Variants in COMT observed in about 807,000 individuals in gnomAD.
COMT encodes catechol-O-methyltransferase, also known as catechol O-methyltransferase.
A neutral mutation model predicts 18.9 loss-of-function variants in COMT; 13 were observed. The observed-to-expected ratio is 0.69, with a 90% CI of 0.45 to 1.09. The LOEUF (loss-of-function observed/expected upper bound fraction) is 1.09. Among genes scored for constraint, COMT ranks in the 50% least tolerant of loss-of-function variants. The pLI is 0.00. For synonymous variants in COMT, 150 were observed against 160.9 expected, an observed-to-expected ratio of 0.93 and a Z score of 0.51; for missense variants, 329 against 361.8, an observed-to-expected ratio of 0.91 and a Z score of 0.73.
intron 1 of COMT, among the ~76,000 whole-genome samples, chr22:19,958,170 T>G (rs1338647370): frequency 1.4e-5 from 2 of 147,082 alleles, no homozygotes; most frequent in African/African-American, 4.9e-5. Flanking sequence ...TGTTTAATTT[T>G]TTTTTTTTTT....
At chr22:19,963,466 G>T in intron 3 of COMT, 100 bp from the exon 4 acceptor site, 1 of 1,393,734 alleles carries the variant, frequency 7.2e-7, no homozygotes, top group Non-Finnish European at 9.9e-7. Flanking sequence ...ATTTGGGAGG[G>T]GCTCCTGCTC....
chr22:19,947,336 A>G (rs1305194292), intron 1 of COMT, among the ~76,000 whole-genome samples: 1 of 152,224 alleles, frequency 6.6e-6, no homozygotes, highest in Non-Finnish European at 1.5e-5. Flanking sequence ...TAAAGACACA[A>G]GACAAAGAGA....
chr22:19,965,678 T>TTTTCTGGAAAGTC (rs1942353698), intron 5 of COMT: 2 of 152,248 alleles, frequency 1.3e-5, no homozygotes, highest in Non-Finnish European at 2.9e-5. Context: ...CAACAAAAAC[T>TTTTCTGGAAAGTC]TTTCTGGAAA....
intron 3 of COMT, 194 bp downstream of exon 3, chr22:19,963,009 G>A: frequency 1.6e-6 from 1 of 637,802 alleles, no homozygotes. Flanking sequence ...AGGCCCTGCT[G>A]CCTGCTGCCC....
At chr22:19,962,209 C>A in intron 2 of COMT, 1 of 439,052 alleles carries the variant, frequency 2.3e-6, no homozygotes, top group Non-Finnish European at 4.2e-6. Context: ...TCCGTGTCTG[C>A]TTCTGTATTT....
Position 19,941,996 on chromosome 22 carries a change from G to A in COMT, c.-92+99G>A, listed in dbSNP as rs45454096. The A allele has an allele frequency of 0.04, 19,489 of 490,386 alleles. 466 individuals carry two copies. Among genetic ancestry groups the A allele is most frequent in the South Asian group, 0.091 (2,363 of 25,976 alleles). 30.4% of individuals were successfully genotyped at this position (490,386 alleles called of 1,614,324 possible). A position where few individuals can be genotyped will look rare whatever the true frequency, so the allele number is the denominator to read the frequency against. On this transcript the variant is annotated intron_variant, in intron 1 of 5. Coordinates refer to ENST00000361682, the MANE Select transcript of COMT (RefSeq NM_000754.4). Reference sequence around the variant, plus strand: ...ACTGGGATAGGGTGTGGGGAATTCGGACCGCTGTGAAGTGATCTGACGTTG... The same window carrying A: ...ACTGGGATAGGGTGTGGGGAATTCGAACCGCTGTGAAGTGATCTGACGTTG...
intron 5 of COMT, among the ~76,000 whole-genome samples, chr22:19,966,610 T>A (rs1389958206): frequency 6.6e-6 from 1 of 151,944 alleles, no homozygotes; most frequent in Non-Finnish European, 1.5e-5. Context: ...CTGGCTAATT[T>A]AAAAATTTTT....
chr22:19,942,773 G>A (rs937574838), intron 1 of COMT, among the ~76,000 whole-genome samples: 1 of 152,208 alleles, frequency 6.6e-6, no homozygotes, highest in Admixed American at 6.5e-5. Context: ...GTCTAGATGT[G>A]CCTGGAGTTT....
At chr22:19,944,384 T>C (rs1490402013) in intron 1 of COMT, among the ~76,000 whole-genome samples, 1 of 151,778 alleles carries the variant, frequency 6.6e-6, no homozygotes, top group African/African-American at 2.4e-5. Flanking sequence ...CTGTCTCTAC[T>C]AAAAATACAA....
chr22:19,943,652 AT>A (rs148770340), intron 1 of COMT, among the ~76,000 whole-genome samples: 15,978 of 151,032 alleles, frequency 0.11, 1,196 homozygotes, highest in Non-Finnish European at 0.16. Flanking sequence ...AAAAAAAAAA[AT>A]AATAATAAAA....
At chr22:19,952,596 G>C (rs913553200) in intron 1 of COMT, among the ~76,000 whole-genome samples, 1 of 150,748 alleles carries the variant, frequency 6.6e-6, no homozygotes, top group African/African-American at 2.4e-5. Flanking sequence ...CCGAGATTGC[G>C]CCACTGCACT....
rs4986871 is a variant in COMT, at chr22:19,963,713, C to T, written c.437C>T (p.Ala146Val). The T allele has an allele frequency of 6.2e-7, 1 of 1,612,860 alleles. No homozygotes were observed. ...LITIEINPDC[A>V]AITQRMVDFA... Reference sequence around the variant, plus strand: ...ACCATCGAGATCAACCCCGACTGTGCCGCCATCACCCAGCGGATGGTGGAT... The same window carrying T: ...ACCATCGAGATCAACCCCGACTGTGTCGCCATCACCCAGCGGATGGTGGAT... Residue 146 changes from alanine (A) to valine (V), a missense_variant, in exon 4 of 6, where the codon GCC becomes GTC. Transcript: ENST00000361682.
At chr22:19,963,465 G>A (rs1420922888) in intron 3 of COMT, 101 bp from the exon 4 acceptor site, 1 of 1,383,160 alleles carries the variant, frequency 7.2e-7, no homozygotes, top group Non-Finnish European at 1.0e-6. Flanking sequence ...CATTTGGGAG[G>A]GGCTCCTGCT....
chr22:19,964,457 G>C, intron 5 of COMT, 158 bp downstream of exon 5: 1 of 1,110,168 alleles, frequency 9.0e-7, no homozygotes, highest in South Asian at 1.3e-5. Flanking sequence ...GGGGGACTGA[G>C]GAGGCCCTGT....
intron 1 of COMT, among the ~76,000 whole-genome samples, chr22:19,948,464 G>A (rs188411027): frequency 1.3e-5 from 2 of 152,280 alleles, no homozygotes; most frequent in Admixed American, 6.5e-5. Flanking sequence ...AGACCAGCCT[G>A]AGAAACATGC....
Position 19,964,230 on chromosome 22 carries a change from G to C in COMT, c.546G>C (p.Val182=). 1.2e-6 allele frequency: 2 copies of C among 1,614,138 alleles called. No individual in the cohort carries two copies. Among genetic ancestry groups the C allele is most frequent in the Non-Finnish European group, 1.7e-6 (2 of 1,180,038 alleles). Residue 182 remains valine, a synonymous_variant, in exon 5 of 6, where the codon GTG becomes GTC. Coordinates refer to ENST00000361682, the MANE Select transcript of COMT (RefSeq NM_000754.4). ...IIPQLKKKYD[V]DTLDMVFLDH... ...CCCAGCTGAAGAAGAAGTATGATGT[G>C]GACACACTGGACATGGTCTTCCTCG...
At chr22:19,953,261 G>A (rs1941988231) in intron 1 of COMT, among the ~76,000 whole-genome samples, 1 of 152,132 alleles carries the variant, frequency 6.6e-6, no homozygotes. Flanking sequence ...GCCTGGCCCA[G>A]AGCCTGGTCC....
At chr22:19,963,238 G>A (rs892430392) in intron 3 of COMT, 16 of 512,660 alleles carry the variant, frequency 3.1e-5, no homozygotes, top group Non-Finnish European at 3.8e-5. Flanking sequence ...TGGGCGGTTC[G>A]GTGATTCAGA....
At chr22:19,964,664 C>T (rs1400585291) in intron 5 of COMT, 8 of 582,102 alleles carry the variant, frequency 1.4e-5, no homozygotes, top group Non-Finnish European at 3.1e-6. Flanking sequence ...CCAGCCTGCT[C>T]TCCCCCAAGC....
Sources: gnomAD v4.1 joint callset for allele counts (sites outside exome capture counted in the v4.1 genomes callset) on GRCh38, gnomAD v4.1.1 for gene constraint, MANE v1.5 for transcripts, NCBI Gene and HGNC (gene_info 2026-07-23, HGNC 2026-07-21) for gene names.